MYO3A: variants seen among roughly 807,000 people sequenced by gnomAD.
MYO3A encodes the protein myosin IIIA, also known as myosin-IIIa.
A neutral mutation model predicts 192.7 loss-of-function variants in MYO3A; 180 were observed. The observed-to-expected ratio is 0.93, with a 90% CI of 0.83 to 1.06. The LOEUF (loss-of-function observed/expected upper bound fraction) is 1.06, where lower values mean the gene tolerates loss of function less well. Ranked by LOEUF, MYO3A falls within the 50% of genes least tolerant of loss-of-function variation. MYO3A has a pLI of 0.00. For synonymous variants in MYO3A, 628 were observed against 645.3 expected (o/e 0.97, Z 0.41); for missense variants, 1,896 against 1,905.0 (o/e 1.00, Z 0.09).
At chr10:26,078,130 C>CTTTTTTTTTTTTTTTTTTTTTTTTT (rs57336459) in intron 14 of MYO3A, among the ~76,000 whole-genome samples, 2 of 122,298 alleles carry the variant, frequency 1.6e-5, no homozygotes, top group Non-Finnish European at 1.8e-5. Flanking sequence ...TGGTCCTGGA[C>CTTTTTTTTTTTTTTTTTTTTTTTTT]TTTTTTTTTT....
At chr10:26,074,371 T>G (rs548142148) in intron 14 of MYO3A, among the ~76,000 whole-genome samples, 1 of 151,936 alleles carries the variant, frequency 6.6e-6, no homozygotes, top group Non-Finnish European at 1.5e-5. Flanking sequence ...TTTTGTCATA[T>G]AGCTATTCAG....
intron 20 of MYO3A, among the ~76,000 whole-genome samples, chr10:26,142,913 G>C (rs1055619774): frequency 1.3e-5 from 2 of 152,092 alleles, no homozygotes; most frequent in African/African-American, 2.4e-5. Flanking sequence ...TGAAAACTTA[G>C]GATGTCCATA....
chr10:26,047,264 T>G (rs1843682263), intron 10 of MYO3A, among the ~76,000 whole-genome samples: 1 of 152,004 alleles, frequency 6.6e-6, no homozygotes, highest in South Asian at 2.1e-4. Context: ...ATAACAAAAT[T>G]TACTGAAAAA....
intron 6 of MYO3A, among the ~76,000 whole-genome samples, chr10:25,999,775 A>G (rs1251123590): frequency 2.0e-5 from 3 of 152,174 alleles, no homozygotes; most frequent in African/African-American, 4.8e-5. Flanking sequence ...TGCTACATAT[A>G]AAGAGTTTCT....
intron 30 of MYO3A, among the ~76,000 whole-genome samples, chr10:26,174,972 T>C (rs1351062570): frequency 6.6e-6 from 1 of 152,222 alleles, no homozygotes; most frequent in Non-Finnish European, 1.5e-5. Flanking sequence ...AGGTATCAGA[T>C]TTTGATAGGT....
intron 3 of MYO3A, among the ~76,000 whole-genome samples, chr10:25,954,413 A>C (rs532818173): frequency 1.3e-5 from 2 of 152,106 alleles, no homozygotes; most frequent in Non-Finnish European, 2.9e-5. Context: ...AGTTTTTTGG[A>C]AAAGTGGGAA....
At chr10:26,207,609 G>T (rs1324164072) in intron 34 of MYO3A, among the ~76,000 whole-genome samples, 1 of 151,980 alleles carries the variant, frequency 6.6e-6, no homozygotes, top group Non-Finnish European at 1.5e-5. Context: ...TTTATTTCTG[G>T]GCTCTCTATT....
At chr10:26,145,158 A>C (rs989459912) in intron 21 of MYO3A, among the ~76,000 whole-genome samples, 1 of 149,432 alleles carries the variant, frequency 6.7e-6, no homozygotes, top group Non-Finnish European at 1.5e-5. Context: ...CAGCCTGGGC[A>C]ACAAGAACGA....
intron 9 of MYO3A, 128 bp downstream of exon 9, chr10:26,024,215 A>G (rs921573505): frequency 6.7e-6 from 6 of 894,014 alleles, no homozygotes; most frequent in African/African-American, 5.1e-5. Context: ...GGAAGCATCT[A>G]TAGTGTCTTT....
At chr10:26,174,748 A>G (rs1481434387) in intron 30 of MYO3A, among the ~76,000 whole-genome samples, 191 bp downstream of exon 30, 3 of 152,204 alleles carry the variant, frequency 2.0e-5, no homozygotes, top group African/African-American at 7.2e-5. Context: ...TTACCGTGGT[A>G]ACAATAGTAT....
chr10:25,979,281 T>A (rs999086798), intron 4 of MYO3A, among the ~76,000 whole-genome samples: 10 of 152,156 alleles, frequency 6.6e-5, no homozygotes, highest in African/African-American at 2.4e-4. Context: ...CCTGCTTTGG[T>A]TTTTGTATAC....
At chr10:25,979,932 CA>C (rs1373623833) in intron 4 of MYO3A, among the ~76,000 whole-genome samples, 3 of 152,030 alleles carry the variant, frequency 2.0e-5, no homozygotes, top group Non-Finnish European at 2.9e-5. Context: ...CCAGGCAAAA[CA>C]AACAAACAAA....
chr10:25,954,787 A>C (rs1837430920), intron 3 of MYO3A, 87 bp from the exon 4 acceptor site: 2 of 1,388,102 alleles, frequency 1.4e-6, no homozygotes, highest in African/African-American at 2.9e-5. Flanking sequence ...ACATAATGAA[A>C]TTCTGTATTT....
chr10:26,121,942 A>G (rs1358601213), intron 18 of MYO3A, among the ~76,000 whole-genome samples: 1 of 152,216 alleles, frequency 6.6e-6, no homozygotes, highest in African/African-American at 2.4e-5. Flanking sequence ...CCAATGTGAT[A>G]ATACAGTAGC....
At chr10:26,125,700 A>G in intron 19 of MYO3A, 92 bp downstream of exon 19, 1 of 1,079,992 alleles carries the variant, frequency 9.3e-7, no homozygotes, top group Non-Finnish European at 1.4e-6. Context: ...CTCTTTCAAG[A>G]TGTTTCTATA....
intron 20 of MYO3A, among the ~76,000 whole-genome samples, chr10:26,133,279 T>C (rs1023690184): frequency 6.6e-6 from 1 of 152,226 alleles, no homozygotes; most frequent in African/African-American, 2.4e-5. Flanking sequence ...TTTAAGTGCT[T>C]GACCAAGTGT....
Position 26,068,791 on chromosome 10 carries a change from G to C in MYO3A, c.1077G>C (p.Glu359Asp). 6.3e-7 allele frequency: 1 copy of C among 1,589,282 alleles called. No individual in the cohort carries two copies. Among genetic ancestry groups the C allele is most frequent in the Non-Finnish European group, 8.6e-7 (1 of 1,157,770 alleles). ...AGAATACAGTCTCAGAGCAACTTGAGAAGTGTTATTCCAGAGATCAGATCT... is the reference window on the plus strand; with the variant it reads ...AGAATACAGTCTCAGAGCAACTTGACAAGTGTTATTCCAGAGATCAGATCT... Reference protein sequence around the residue: ...LDENTVSEQLEKCYSRDQIYV... With the variant: ...LDENTVSEQLDKCYSRDQIYV... The change falls in exon 12 of 35, where the codon GAG (glutamate) becomes GAC (aspartate). Residue 359 changes from glutamate to aspartate, a missense_variant. Transcript: ENST00000642920.
In MYO3A at chr10:26,070,135, A is replaced by G. The variant is rs1192712215; in HGVS notation, c.1195A>G (p.Lys399Glu). The change falls in exon 13 of 35, where the codon AAG (lysine) becomes GAG (glutamate). Residue 399 changes from lysine (K) to glutamate (E), a missense_variant. Lys to Glu is a moderately conservative substitution (Grantham distance 56). Transcript: ENST00000642920. ...GCATTCCAAACTATATATTGGATCA[A>G]AGAGAACTGCCAGTCCTCCTCACAT... ...TKHSKLYIGS[K>E]RTASPPHIFA... is the part of the protein sequence containing the mutation. 6.2e-7 allele frequency: 1 copy of G among 1,611,500 alleles called. No individual in the cohort carries two copies. The highest frequency in any genetic ancestry group is 8.5e-7 in the Non-Finnish European group (1 of 1,177,786).
chr10:26,152,571 G>T (rs1276249097), intron 23 of MYO3A, among the ~76,000 whole-genome samples: 1 of 152,214 alleles, frequency 6.6e-6, no homozygotes, highest in Non-Finnish European at 1.5e-5. Context: ...CTTTAGTTGG[G>T]TTTATCACAA....
Sources: allele counts gnomAD v4.1 joint callset (sites outside exome capture counted in the v4.1 genomes callset), GRCh38; gene constraint gnomAD v4.1.1; transcripts MANE v1.5; gene names NCBI Gene and HGNC (gene_info 2026-07-23, HGNC 2026-07-21).